The following CELA1 variants were observed in gnomAD, a reference collection of about 807,000 sequenced individuals.
CELA1 encodes chymotrypsin-like elastase family member 1.
A neutral mutation model predicts 34.8 loss-of-function variants in CELA1; 28 were observed. That is an observed-to-expected ratio of 0.80 (90% CI 0.60 to 1.10). The LOEUF (loss-of-function observed/expected upper bound fraction) is 1.10. Ranked by LOEUF, CELA1 falls within the 50% of genes least tolerant of loss-of-function variation. The pLI is 0.00. For synonymous variants in CELA1, 140 were observed against 129.8 expected, an observed-to-expected ratio of 1.08 and a Z score of -0.53; for missense variants, 288 against 327.5, an observed-to-expected ratio of 0.88 and a Z score of 0.93.
chr12:51,340,842 C>G (rs1267811064), intron 5 of CELA1, among the ~76,000 whole-genome samples: 6 of 152,000 alleles, frequency 3.9e-5, no homozygotes, highest in African/African-American at 1.4e-4. Context: ...CCCATCTCTA[C>G]AAAAAAATTT....
rs572227006 is a variant in CELA1, at chr12:51,329,969, C to T, written c.610-136G>A. ...TGCAAATCTCCACCTCCTTCATGTC[C>T]CCACAATCAAAATGAATCTCTTCTT... On this transcript the variant is annotated intron_variant, in intron 6 of 7. Coordinates refer to ENST00000293636, the MANE Select transcript of CELA1 (RefSeq NM_001971.6). 14 of 678,808 alleles carry T rather than the reference C, an allele frequency of 2.1e-5. No individual in the cohort carries two copies. The Middle Eastern group carries it at 1.0e-3, about 49-fold the overall frequency. 42.0% of individuals were successfully genotyped at this position (678,808 alleles called of 1,614,324 possible). A position where few individuals can be genotyped will look rare whatever the true frequency, so the allele number is the denominator to read the frequency against.
chr12:51,328,738 C>T (rs1328046572), intron 7 of CELA1, 144 bp from the exon 8 acceptor site: 2 of 832,798 alleles, frequency 2.4e-6, no homozygotes, highest in East Asian at 5.1e-5. Context: ...AGGAAGTCAG[C>T]CTCAACTGTG....
At chr12:51,330,495 C>A (rs1946463252) in intron 6 of CELA1, among the ~76,000 whole-genome samples, 1 of 152,100 alleles carries the variant, frequency 6.6e-6, no homozygotes, top group African/African-American at 2.4e-5. Context: ...GAGGAAAGAC[C>A]TAAAGATACT....
At chr12:51,336,775 C>G (rs958951467) in intron 6 of CELA1, among the ~76,000 whole-genome samples, 2 of 152,216 alleles carry the variant, frequency 1.3e-5, no homozygotes, top group African/African-American at 4.8e-5. Context: ...GTGCCCTCCC[C>G]CAAATCACTT....
intron 6 of CELA1, among the ~76,000 whole-genome samples, chr12:51,338,251 A>ACAT (rs1409272839): frequency 6.2e-5 from 4 of 64,130 alleles, no homozygotes; most frequent in South Asian, 8.8e-4. Flanking sequence ...AAAAAAAAAA[A>ACAT]ACATACACAC....
rs113790453 is a variant in CELA1 at position 51,343,644 on chromosome 12, G to A, written c.200+109C>T. ...GGCCCTGAACAGGAAAGGAGCCACT[G>A]CCCAGTCCCTGAAGTGCTGTCCAGA... On this transcript the variant is annotated intron_variant, in intron 3 of 7. Coordinates refer to ENST00000293636, the MANE Select transcript of CELA1 (RefSeq NM_001971.6). The A allele has an allele frequency of 4.3e-5, 29 of 677,670 alleles. No homozygotes were observed. In the African/African-American group the frequency reaches 4.8e-4, roughly 11 times the overall value. 42.0% of individuals were successfully genotyped at this position (677,670 alleles called of 1,614,324 possible).
At chr12:51,334,389 T>A (rs1946489233) in intron 6 of CELA1, among the ~76,000 whole-genome samples, 1 of 152,204 alleles carries the variant, frequency 6.6e-6, no homozygotes, top group East Asian at 1.9e-4. Flanking sequence ...ATTGGCTACT[T>A]TATTTCCATG....
chr12:51,332,894 C>A (rs1451066097), intron 6 of CELA1, among the ~76,000 whole-genome samples: 1 of 151,652 alleles, frequency 6.6e-6, no homozygotes, highest in Non-Finnish European at 1.5e-5. Flanking sequence ...TTAAAAAAAA[C>A]TAGGGAAAGA....
At chr12:51,345,125 CAAA>C (rs34904841) in intron 2 of CELA1, among the ~76,000 whole-genome samples, 1 of 147,216 alleles carries the variant, frequency 6.8e-6, no homozygotes. Context: ...AACTCCATCT[CAAA>C]AAAAAAAAAA....
rs1250651506 is a variant in CELA1, at chr12:51,343,821, C to T, written c.132G>A (p.Arg44=). 1.2e-6 allele frequency: 2 copies of T among 1,608,130 alleles called. No individual in the cohort carries two copies. The highest frequency in any genetic ancestry group is 1.7e-6 in the Non-Finnish European group (2 of 1,175,684). ...ISLQYRSGGS[R]YHTCGGTLIR... The stretch of plus-strand genomic sequence containing the variant: ...TAAGGGTCCCTCCACAGGTGTGATA[C>T]CGGGAACCTCCAGACCGGTACTGGA... Residue 44 remains arginine (R), a synonymous_variant, in exon 3 of 8, where the codon CGG becomes CGA. Coordinates refer to ENST00000293636, the MANE Select transcript of CELA1 (RefSeq NM_001971.6).
At chr12:51,343,716 C>A in intron 3 of CELA1, 37 bp downstream of exon 3, 2 of 1,304,398 alleles carry the variant, frequency 1.5e-6, no homozygotes, top group Non-Finnish European at 2.2e-6. Context: ...CCTTCCCCTT[C>A]CAGGGGCCCA....
intron 5 of CELA1, among the ~76,000 whole-genome samples, chr12:51,340,390 T>A (rs1946526404): frequency 1.6e-5 from 1 of 61,604 alleles, no homozygotes; most frequent in East Asian, 3.5e-4. Flanking sequence ...CTTTCTTTCT[T>A]TTTTTTTTTT....
chr12:51,329,253 C>CAA lies in CELA1; in HGVS notation c.759+429_759+430dup, dbSNP rs71089791. On this transcript the variant is annotated intron_variant, in intron 7 of 7. Transcript: ENST00000293636. ...TGGGTGACACAGTGAGACTCTGTCT[C>CAA]AAAAAAAAAAAAAAAAAAAAGTTAG... 5.2e-3 allele frequency among the ~76,000 whole-genome samples: 528 copies of CAA among 101,946 alleles called. 5 individuals are homozygous for CAA. Among genetic ancestry groups the CAA allele is most frequent in the African/African-American group, 0.016 (405 of 25,942 alleles). 66.9% of individuals were successfully genotyped at this position (101,946 alleles called of 152,430 possible).
chr12:51,346,475 G>C, intron 1 of CELA1, 148 bp downstream of exon 1: 1 of 721,266 alleles, frequency 1.4e-6, no homozygotes, highest in Non-Finnish European at 2.4e-6. Context: ...CAGGCAGAGC[G>C]TCCCACCTGC....
intron 3 of CELA1, among the ~76,000 whole-genome samples, 173 bp from the exon 4 acceptor site, chr12:51,342,873 A>G (rs1007977819): frequency 2.7e-5 from 4 of 150,776 alleles, no homozygotes; most frequent in African/African-American, 9.8e-5. Context: ...TCAAACTCCC[A>G]GGCTCAAGTG....
At chr12:51,342,730 T>C (rs1251907272) in intron 3 of CELA1, 30 bp from the exon 4 acceptor site, 2 of 1,612,680 alleles carry the variant, frequency 1.2e-6, no homozygotes, top group South Asian at 1.1e-5. Flanking sequence ...CCCTGAGTCA[T>C]CCAGGGGACT....
rs1240918988 is a variant in CELA1, at chr12:51,331,442, C to T, written c.610-1609G>A. On this transcript the variant is annotated intron_variant, in intron 6 of 7. Coordinates refer to ENST00000293636, the MANE Select transcript of CELA1 (RefSeq NM_001971.6). ...CTAATATGCATCCATGATACAAGAA[C>T]GGCATACTACTAAACAACATTCAGA... 1.5e-4 allele frequency among the ~76,000 whole-genome samples: 23 copies of T among 152,056 alleles called. 1 individual carries two copies. Among genetic ancestry groups the T allele is most frequent in the African/African-American group, 1.7e-4 (7 of 41,420 alleles).
intron 6 of CELA1, among the ~76,000 whole-genome samples, chr12:51,336,370 G>T (rs540705960): frequency 2.0e-5 from 3 of 152,138 alleles, no homozygotes; most frequent in African/African-American, 7.2e-5. Context: ...TTGGCCAGGC[G>T]TGGTGGCTCA....
rs1402304649 is a variant in CELA1 at position 51,346,652 on chromosome 12, T to G, written c.-14A>C. 1 of 1,598,084 alleles carries G rather than the reference T, an allele frequency of 6.3e-7. No homozygotes were observed. Among genetic ancestry groups the G allele is most frequent in the Non-Finnish European group, 8.6e-7 (1 of 1,166,522 alleles). ...AAGGACCAGCATGTTGCCGATGGAG[T>G]AGACCACTGCCTTCTTGCTTGGACC... On this transcript the variant is annotated 5_prime_UTR_variant, in exon 1 of 8. Coordinates refer to ENST00000293636, the MANE Select transcript of CELA1 (RefSeq NM_001971.6).
Sources: gnomAD v4.1 joint callset for allele counts (sites outside exome capture counted in the v4.1 genomes callset) on GRCh38, gnomAD v4.1.1 for gene constraint, MANE v1.5 for transcripts, NCBI Gene and HGNC (gene_info 2026-07-23, HGNC 2026-07-21) for gene names.